Variants in LTBP1 observed in about 807,000 individuals in gnomAD.
LTBP1 encodes the protein latent transforming growth factor beta binding protein 1.
Under a neutral mutation model 207.6 loss-of-function variants are expected in LTBP1, and 129 were observed. The ratio of observed to expected loss-of-function variants is 0.62; its 90% CI spans 0.54 to 0.72. LTBP1 has a LOEUF of 0.72. Ranked by LOEUF, LTBP1 falls within the 30% of genes least tolerant of loss-of-function variation. The pLI, the probability that LTBP1 is intolerant of heterozygous loss-of-function variation, is 0.00. For missense variants in LTBP1, 2,281 were observed against 2,217.2 expected (o/e 1.03, Z -0.58); for synonymous variants, 963 against 833.7 (o/e 1.16, Z -2.67).
intron 12 of LTBP1, among the ~76,000 whole-genome samples, chr2:33,258,859 C>G (rs1384275054): frequency 6.6e-6 from 1 of 152,112 alleles, no homozygotes; most frequent in Non-Finnish European, 1.5e-5. Flanking sequence ...GAGAAAAATC[C>G]TGGTGAATGT....
At position 33,163,591 on chromosome 2, in the gene LTBP1, G is replaced by C. The variant is rs139855640; in HGVS notation, c.1202-23265G>C. 2.1e-3 allele frequency among the ~76,000 whole-genome samples: 316 copies of C among 152,242 alleles called. 5 individuals are homozygous for C. Among genetic ancestry groups the C allele is most frequent in the Non-Finnish European group, 4.9e-4 (33 of 67,998 alleles). ...ATGATAGCAGAGTAGAGTGACTATA[G>C]TTAGCAAAAACGCATTATAGTTAGT... On this transcript the variant is annotated intron_variant, in intron 5 of 33. Coordinates refer to ENST00000404816, the MANE Select transcript of LTBP1 (RefSeq NM_206943.4).
At chr2:33,179,247 G>A (rs77720215) in intron 5 of LTBP1, among the ~76,000 whole-genome samples, 273 of 152,164 alleles carry the variant, frequency 1.8e-3, no homozygotes, top group African/African-American at 6.1e-3. Flanking sequence ...TATTTAATGT[G>A]TGACTCATGA....
intron 5 of LTBP1, among the ~76,000 whole-genome samples, chr2:33,179,974 C>T (rs958696517): frequency 4.6e-5 from 7 of 152,202 alleles, no homozygotes; most frequent in African/African-American, 1.7e-4. Context: ...CTCTTACACT[C>T]CAGCCACATC....
In LTBP1 at chr2:33,238,787, G is replaced by A. The variant is rs147462138; in HGVS notation, c.1877-4875G>A. On this transcript the variant is annotated intron_variant, in intron 9 of 33. Coordinates refer to ENST00000404816, the MANE Select transcript of LTBP1 (RefSeq NM_206943.4). ...GTACTGCTCACCATCCAGAATTGTT[G>A]TGAAGTTCCAGTGAGATACGGTGTG... 2.3e-3 allele frequency among the ~76,000 whole-genome samples: 345 copies of A among 152,296 alleles called. 2 individuals are homozygous for A. The highest frequency in any genetic ancestry group is 8.1e-3 in the African/African-American group (336 of 41,560).
chr2:33,333,809 T>G (rs1469765179), intron 24 of LTBP1, among the ~76,000 whole-genome samples: 1 of 151,768 alleles, frequency 6.6e-6, no homozygotes, highest in Non-Finnish European at 1.5e-5. Flanking sequence ...AGTCATCAGA[T>G]CTAGACCGCA....
chr2:32,959,319 C>T (rs542474044), intron 2 of LTBP1, among the ~76,000 whole-genome samples: 150 of 151,538 alleles, frequency 9.9e-4, no homozygotes, highest in African/African-American at 3.5e-3. Context: ...GGCGACTCTT[C>T]GGAGGGATTT....
chr2:33,393,905 C>T (rs1272230743), intron 32 of LTBP1, among the ~76,000 whole-genome samples: 1 of 152,072 alleles, frequency 6.6e-6, no homozygotes, highest in African/African-American at 2.4e-5. Flanking sequence ...TACAGTCCCA[C>T]CAACAGTGTA....
intron 3 of LTBP1, among the ~76,000 whole-genome samples, chr2:33,078,733 A>G (rs2078216565): frequency 6.6e-6 from 1 of 152,186 alleles, no homozygotes; most frequent in Non-Finnish European, 1.5e-5. Flanking sequence ...TAAGAGTGGC[A>G]TATCACTAAG....
chr2:33,079,730 T>A (rs1558608019), intron 3 of LTBP1, among the ~76,000 whole-genome samples: 1 of 152,200 alleles, frequency 6.6e-6, no homozygotes, highest in Admixed American at 6.5e-5. Flanking sequence ...CCTGGACTGA[T>A]GGAGCCACCT....
At chr2:33,387,694 A>G (rs1478173808) in intron 31 of LTBP1, among the ~76,000 whole-genome samples, 2 of 151,696 alleles carry the variant, frequency 1.3e-5, no homozygotes, top group Non-Finnish European at 2.9e-5. Context: ...GTAGGAGCTG[A>G]TAAAAGAAAG....
intron 9 of LTBP1, among the ~76,000 whole-genome samples, chr2:33,227,509 TC>T (rs769084762): frequency 2.8e-4 from 43 of 152,276 alleles, no homozygotes; most frequent in Non-Finnish European, 2.6e-4. Flanking sequence ...AAGTAGCTCC[TC>T]TTTTTGGCCT....
chr2:33,294,992 A>G (rs1313768685), intron 20 of LTBP1, among the ~76,000 whole-genome samples: 3 of 151,848 alleles, frequency 2.0e-5, no homozygotes, highest in African/African-American at 7.3e-5. Context: ...ATATTGTATC[A>G]TGGTCTTTTT....
chr2:33,233,473 G>A (rs1009228934), intron 9 of LTBP1, among the ~76,000 whole-genome samples: 6 of 152,052 alleles, frequency 3.9e-5, no homozygotes, highest in African/African-American at 4.8e-5. Context: ...AGACCATTTC[G>A]TAAAATTATT....
In LTBP1 at chr2:33,346,450, G is replaced by A. The variant is rs531229379; in HGVS notation, c.3857-917G>A. Among the ~76,000 whole-genome samples, 7 of 152,184 alleles carry A rather than the reference G, an allele frequency of 4.6e-5. No homozygotes were observed. The East Asian group carries it at 5.8e-4, about 13-fold the overall frequency. ...TGTAATCCCAGCACTTTGGGAGGCCGAGGCAGGCGGATCACTTGAGGTCAG... is the reference window on the plus strand; with the variant it reads ...TGTAATCCCAGCACTTTGGGAGGCCAAGGCAGGCGGATCACTTGAGGTCAG... On this transcript the variant is annotated intron_variant, in intron 25 of 33. Transcript: ENST00000404816.
chr2:33,319,971 T>A (rs2094330133), intron 24 of LTBP1, among the ~76,000 whole-genome samples: 1 of 152,208 alleles, frequency 6.6e-6, no homozygotes, highest in African/African-American at 2.4e-5. Flanking sequence ...TGTCTACCTG[T>A]GTGCCATCCA....
chr2:33,309,532 C>T lies in LTBP1; in HGVS notation c.3580C>T (p.Leu1194=). 1 of 1,608,356 alleles carries T rather than the reference C, an allele frequency of 6.2e-7. No homozygotes were observed. Among genetic ancestry groups the T allele is most frequent in the South Asian group, 1.1e-5 (1 of 89,590 alleles). ...TTGTACTTGTCCGGATGGATTTCAG[C>T]TAGATGACAATAAAACATGTCAAGG... ...YDCTCPDGFQ[L]DDNKTCQDIN... is the part of the protein sequence containing the mutation. Residue 1194 remains leucine (L), a synonymous_variant, in exon 23 of 34, where the codon CTA becomes TTA. Transcript: ENST00000404816.
At chr2:33,358,558 C>T (rs1258596225) in intron 26 of LTBP1, among the ~76,000 whole-genome samples, 5 of 151,884 alleles carry the variant, frequency 3.3e-5, no homozygotes, top group East Asian at 1.9e-4. Flanking sequence ...CAAAGTATTC[C>T]GTTTTGTAAT....
intron 18 of LTBP1, among the ~76,000 whole-genome samples, chr2:33,277,601 C>T (rs2093453195): frequency 6.6e-6 from 1 of 151,802 alleles, no homozygotes; most frequent in African/African-American, 2.4e-5. Context: ...TTTAAATCTC[C>T]CCCCATCCCT....
intron 7 of LTBP1, among the ~76,000 whole-genome samples, chr2:33,190,528 G>GGAGTTGTAAGACCTTGATTA (rs2087744873): frequency 6.6e-6 from 1 of 152,172 alleles, no homozygotes; most frequent in Non-Finnish European, 1.5e-5. Flanking sequence ...GCATCCTTGT[G>GGAGTTGTAAGACCTTGATTA]GAGTTGTAAG....
Sources: gnomAD v4.1 joint callset for allele counts (sites outside exome capture counted in the v4.1 genomes callset) on GRCh38, gnomAD v4.1.1 for gene constraint, MANE v1.5 for transcripts, NCBI Gene and HGNC (gene_info 2026-07-23, HGNC 2026-07-21) for gene names.